MPP7: variants seen among roughly 807,000 people sequenced by gnomAD.
The protein encoded by MPP7 is MAGUK p55 scaffold protein 7.
In MPP7, 60 loss-of-function variants were observed where a neutral mutation model predicts 76.5. That is an observed-to-expected ratio of 0.78 (90% CI 0.64 to 0.97). The LOEUF (loss-of-function observed/expected upper bound fraction) is 0.97, where lower values mean the gene tolerates loss of function less well. Ranked by LOEUF, MPP7 falls within the 50% of genes least tolerant of loss-of-function variation. The pLI is 0.00. For missense variants in MPP7, 641 were observed against 694.0 expected (o/e 0.92, Z 0.86); for synonymous variants, 237 against 244.5 (o/e 0.97, Z 0.29).
At chr10:28,126,369 C>A (rs2133650984) in intron 6 of MPP7, among the ~76,000 whole-genome samples, 1 of 152,336 alleles carries the variant, frequency 6.6e-6, no homozygotes, top group South Asian at 2.1e-4. Context: ...AATCAACTTT[C>A]ATTTTCCTTA....
intron 15 of MPP7, among the ~76,000 whole-genome samples, chr10:28,057,404 C>T (rs1851597114): frequency 6.6e-6 from 1 of 152,084 alleles, no homozygotes; most frequent in Non-Finnish European, 1.5e-5. Context: ...ATAGTCAGTT[C>T]TCGTGAGACC....
At chr10:28,326,000 C>A (rs1834410722) in intron 2 of MPP7, among the ~76,000 whole-genome samples, 1 of 147,028 alleles carries the variant, frequency 6.8e-6, no homozygotes, top group Non-Finnish European at 1.5e-5. Flanking sequence ...AAAAAAATTC[C>A]TTAAAGAGAA....
At chr10:28,077,859 T>C (rs1428484805) in intron 12 of MPP7, among the ~76,000 whole-genome samples, 1 of 152,208 alleles carries the variant, frequency 6.6e-6, no homozygotes, top group Admixed American at 6.5e-5. Context: ...GACAACAGGC[T>C]GTGGCATAAT....
intron 12 of MPP7, among the ~76,000 whole-genome samples, chr10:28,089,231 G>A (rs896277865): frequency 6.6e-6 from 1 of 152,102 alleles, no homozygotes; most frequent in African/African-American, 2.4e-5. Context: ...ACTTTAAAGC[G>A]ACTTTGCTGA....
Position 28,094,263 on chromosome 10 carries a change from C to T in MPP7, c.953-4422G>A, listed in dbSNP as rs118187141. Among the ~76,000 whole-genome samples the T allele has an allele frequency of 9.1e-4, 138 of 151,700 alleles. No individual in the cohort carries two copies. In the East Asian group the frequency reaches 0.016, roughly 17 times the overall value. On this transcript the variant is annotated intron_variant, in intron 11 of 16. Transcript: ENST00000683449. ...GGTTATGAAGCTTTAGTGCCTTGAA[C>T]GATATTTTACAATGCAAAGGAGCAA...
intron 11 of MPP7, among the ~76,000 whole-genome samples, chr10:28,107,281 C>T (rs905248347): frequency 6.6e-6 from 1 of 152,168 alleles, no homozygotes; most frequent in Non-Finnish European, 1.5e-5. Context: ...GGGACTGGGT[C>T]CCTGGTTGCT....
At chr10:28,272,602 C>G (rs1327430351) in intron 1 of MPP7, among the ~76,000 whole-genome samples, 2 of 152,000 alleles carry the variant, frequency 1.3e-5, no homozygotes, top group African/African-American at 4.8e-5. Context: ...GAATAATCAA[C>G]AGATATAGTT....
intron 2 of MPP7, among the ~76,000 whole-genome samples, chr10:28,206,404 T>C (rs971689180): frequency 6.6e-6 from 1 of 152,134 alleles, no homozygotes; most frequent in South Asian, 2.1e-4. Flanking sequence ...ATGAAATACA[T>C]ACCTAATTAA....
At position 28,302,936 on chromosome 10, in the gene MPP7, G is replaced by A. The variant is rs968900006; in HGVS notation, c.-207C>T. Among the ~76,000 whole-genome samples, 8 of 152,134 alleles carry A rather than the reference G, an allele frequency of 5.3e-5. No individual in the cohort carries two copies. Among genetic ancestry groups the A allele is most frequent in the African/African-American group, 1.7e-4 (7 of 41,454 alleles). On this transcript the variant is annotated 5_prime_UTR_variant, in exon 1 of 17. Coordinates refer to ENST00000683449, the MANE Select transcript of MPP7 (RefSeq NM_001318170.2). ...CCTGCAGCCCCGGGCCCGGAGGCAA[G>A]GAGGCAGCGACCGCCACCGCCGCAG...
intron 2 of MPP7, among the ~76,000 whole-genome samples, chr10:28,225,544 A>T (rs958828363): frequency 6.6e-6 from 1 of 152,230 alleles, no homozygotes; most frequent in South Asian, 2.1e-4. Flanking sequence ...ACAAATGGCT[A>T]AAAAGTACAT....
chr10:28,212,546 G>T (rs1838174097), intron 2 of MPP7, among the ~76,000 whole-genome samples: 1 of 152,078 alleles, frequency 6.6e-6, no homozygotes, highest in Non-Finnish European at 1.5e-5. Context: ...TTAATCCCTG[G>T]GAATCACTGG....
intron 1 of MPP7, among the ~76,000 whole-genome samples, chr10:28,244,899 T>C (rs927280250): frequency 6.6e-6 from 1 of 152,114 alleles, no homozygotes; most frequent in East Asian, 1.9e-4. Flanking sequence ...TTGCAGGCAA[T>C]GAACTCATTC....
At chr10:28,062,851 A>G (rs1851847514) in intron 13 of MPP7, among the ~76,000 whole-genome samples, 1 of 152,166 alleles carries the variant, frequency 6.6e-6, no homozygotes, top group South Asian at 2.1e-4. Context: ...ATAACTCGAA[A>G]TGGGTCAAGA....
At position 28,309,673 on chromosome 10, in the gene MPP7, G is replaced by GA. The variant is rs1442398164; in HGVS notation, c.-132+20255dup. 2.6e-5 allele frequency among the ~76,000 whole-genome samples: 4 copies of GA among 152,268 alleles called. No homozygotes were observed. The South Asian group carries it at 8.3e-4, about 32-fold the overall frequency. ...TGATATCATTTGGATGTTTTCCCCT[G>GA]AAAATCTCACATTGAATTGTGGTCC... On this transcript the variant is annotated intron_variant, in intron 2 of 11. Coordinates refer to the MPP7 transcript ENST00000441595.
intron 3 of MPP7, among the ~76,000 whole-genome samples, chr10:28,166,990 T>C (rs1208138640): frequency 1.3e-5 from 2 of 152,142 alleles, no homozygotes; most frequent in African/African-American, 4.8e-5. Context: ...GATATCCCAA[T>C]TGATATAGCT....
chr10:28,262,201 A>G lies in MPP7; in HGVS notation c.-131-23466T>C, dbSNP rs1322929829. On this transcript the variant is annotated intron_variant, in intron 1 of 16. Transcript: ENST00000683449. ...ATAAATAAATTATATATATATATAT[A>G]TATATACATATATATATATATATAC... Among the ~76,000 whole-genome samples the G allele has an allele frequency of 6.7e-3, 128 of 19,198 alleles. 5 individuals are homozygous for G. Among genetic ancestry groups the G allele is most frequent in the Admixed American group, 0.011 (19 of 1,774 alleles). 12.6% of individuals were successfully genotyped at this position (19,198 alleles called of 152,430 possible). A position where few individuals can be genotyped will look rare whatever the true frequency, so the allele number is the denominator to read the frequency against.
intron 3 of MPP7, among the ~76,000 whole-genome samples, chr10:28,161,969 T>G (rs1269701923): frequency 6.6e-6 from 1 of 152,224 alleles, no homozygotes; most frequent in Non-Finnish European, 1.5e-5. Context: ...CTTATTGATA[T>G]AGTTTACACA....
chr10:28,113,382 T>C (rs1270183563), intron 11 of MPP7, among the ~76,000 whole-genome samples: 1 of 152,160 alleles, frequency 6.6e-6, no homozygotes, highest in Non-Finnish European at 1.5e-5. Flanking sequence ...TGCTATTTCA[T>C]GCACCCCTGC....
chr10:28,075,695 T>C (rs1852452189), intron 12 of MPP7, among the ~76,000 whole-genome samples: 1 of 152,180 alleles, frequency 6.6e-6, no homozygotes, highest in East Asian at 1.9e-4. Flanking sequence ...CGCTTGTTGT[T>C]TAAGATTCAG....
Sources: gnomAD v4.1 joint callset for allele counts (sites outside exome capture counted in the v4.1 genomes callset) on GRCh38, gnomAD v4.1.1 for gene constraint, MANE v1.5 for transcripts, NCBI Gene and HGNC (gene_info 2026-07-23, HGNC 2026-07-21) for gene names.